ATXN2: variants seen among roughly 807,000 people sequenced by gnomAD.
ATXN2 encodes the protein ataxin 2, also known as ataxin-2.
A neutral mutation model predicts 138.6 loss-of-function variants in ATXN2; 37 were observed. The observed-to-expected ratio is 0.27, with a 90% CI of 0.21 to 0.35. The LOEUF is 0.35. Ranked by LOEUF, ATXN2 falls within the 10% of genes least tolerant of loss-of-function variation. The probability of loss-of-function intolerance (pLI) is 1.00; values close to 1 mark genes in which losing one functional copy is unlikely to be tolerated. For synonymous variants in ATXN2, 549 were observed against 543.7 expected (o/e 1.01, Z -0.13); for missense variants, 1,216 against 1,480.3 (o/e 0.82, Z 2.93).
chr12:111,566,992 G>A (rs117700897), intron 1 of ATXN2, among the ~76,000 whole-genome samples: 4,276 of 152,242 alleles, frequency 0.028, 109 homozygotes, highest in Non-Finnish European at 0.048. Context: ...GACTTCAGTA[G>A]AGCAAGTAAC....
At chr12:111,536,379 A>G (rs1297707326) in intron 5 of ATXN2, among the ~76,000 whole-genome samples, 1 of 152,228 alleles carries the variant, frequency 6.6e-6, no homozygotes, top group Non-Finnish European at 1.5e-5. Context: ...ACAGAAAAAA[A>G]AAATCTACAG....
rs1312706667 is a variant in ATXN2 at position 111,510,553 on chromosome 12, G to T, written c.1588C>A (p.Pro530Thr). 3 of 1,613,468 alleles carry T rather than the reference G, an allele frequency of 1.9e-6. No homozygotes were observed. The highest frequency in any genetic ancestry group is 2.5e-6 in the Non-Finnish European group (3 of 1,179,624). Residue 530 changes from proline (P) to threonine (T), a missense_variant, in exon 12 of 25, where the codon CCC becomes ACC. By Grantham distance (38) the Pro-to-Thr change is conservative. Coordinates refer to ENST00000673436, the MANE Select transcript of ATXN2 (RefSeq NM_001372574.1). ...VPRLSPKTHR[P>T]RSPRQNSIGN... ...ATACTGTTCTGTCTGGGAGACCTGG[G>T]TCTATGAGTTTTAGGGGATAATCTT...
chr12:111,563,882 C>G (rs916979890), intron 1 of ATXN2, among the ~76,000 whole-genome samples: 1 of 152,076 alleles, frequency 6.6e-6, no homozygotes, highest in Non-Finnish European at 1.5e-5. Context: ...ATCAAATATA[C>G]GATGCTGTTT....
chr12:111,577,685 C>CT (rs1207439689), intron 1 of ATXN2, among the ~76,000 whole-genome samples: 1 of 152,036 alleles, frequency 6.6e-6, no homozygotes, highest in African/African-American at 2.4e-5. Context: ...AATCCCAGCA[C>CT]TTTGGGAGGT....
rs1879446576 is a variant in ATXN2, at chr12:111,510,538, G to T, written c.1603C>A (p.Gln535Lys). ...CTGGGGGTATTTCCAATACTGTTCT[G>T]TCTGGGAGACCTGGGTCTATGAGTT... ...PKTHRPRSPR[Q>K]NSIGNTPSGP... Residue 535 changes from glutamine (Q) to lysine (K), a missense_variant, in exon 12 of 25, where the codon CAG becomes AAG. Physicochemically the swap from Gln to Lys is moderately conservative, Grantham distance 53. Transcript: ENST00000673436. 1 of 1,613,862 alleles carries T rather than the reference G, an allele frequency of 6.2e-7. No homozygotes were observed. The highest frequency in any genetic ancestry group is 1.3e-5 in the African/African-American group (1 of 74,906).
chr12:111,455,927 A>G, intron 23 of ATXN2, 102 bp downstream of exon 23: 2 of 1,123,328 alleles, frequency 1.8e-6, no homozygotes. Flanking sequence ...GGCAAATGGC[A>G]TGACACACAG....
At position 111,525,249 on chromosome 12, in the gene ATXN2, G is replaced by C. The variant is rs773662523; in HGVS notation, c.639C>G (p.Pro213=). The change falls in exon 6 of 25, where the codon CCC becomes CCG. Residue 213 remains proline (P), a synonymous_variant. Transcript: ENST00000673436. ...TGGCTGTGAGTTCACCTGCATCCCA[G>C]GGCTCCAGGTCCTTCTCTTTGTGTT... The part of the protein sequence containing the change: ...NGEHKEKDLE[P]WDAGELTANE... 6.2e-7 allele frequency: 1 copy of C among 1,613,612 alleles called. No homozygotes were observed. Among genetic ancestry groups the C allele is most frequent in the East Asian group, 2.2e-5 (1 of 44,852 alleles).
chr12:111,592,551 G>A (rs1363122654), intron 1 of ATXN2, among the ~76,000 whole-genome samples: 1 of 151,946 alleles, frequency 6.6e-6, no homozygotes, highest in Non-Finnish European at 1.5e-5. Flanking sequence ...GGGAGGCTGA[G>A]GCAGGTGGAT....
chr12:111,594,547 T>G (rs913794371), intron 1 of ATXN2, among the ~76,000 whole-genome samples: 2 of 152,096 alleles, frequency 1.3e-5, no homozygotes, highest in African/African-American at 4.8e-5. Flanking sequence ...GTAAAAATAC[T>G]AAGCTGAAAA....
chr12:111,490,962 G>C (rs773697718), intron 14 of ATXN2, among the ~76,000 whole-genome samples: 5 of 152,086 alleles, frequency 3.3e-5, no homozygotes, highest in Non-Finnish European at 7.3e-5. Context: ...CCAGTGATTA[G>C]AATCTGAATT....
At chr12:111,561,516 A>G (rs1236967402) in intron 1 of ATXN2, among the ~76,000 whole-genome samples, 1 of 152,020 alleles carries the variant, frequency 6.6e-6, no homozygotes, top group Non-Finnish European at 1.5e-5. Context: ...AAAAAAAATC[A>G]TAAAATTAAA....
At chr12:111,471,397 T>C (rs1405571987) in intron 18 of ATXN2, 1 of 152,294 alleles carries the variant, frequency 6.6e-6, no homozygotes, top group African/African-American at 2.4e-5. Flanking sequence ...CCATGTGAGG[T>C]TTTTTTCCAG....
chr12:111,454,914 C>A (rs1378732122), intron 23 of ATXN2: 4 of 639,114 alleles, frequency 6.3e-6, no homozygotes, highest in Non-Finnish European at 1.2e-5. Flanking sequence ...ACCACGCTGG[C>A]CCACACGGAC....
intron 21 of ATXN2, chr12:111,457,698 C>T (rs367994098): frequency 1.2e-4 from 24 of 205,830 alleles, no homozygotes; most frequent in Middle Eastern, 2.1e-3. Flanking sequence ...TAGGTGCACA[C>T]TCTTTAGCTC....
chr12:111,585,300 G>A (rs1250539714), intron 1 of ATXN2, among the ~76,000 whole-genome samples: 2 of 152,138 alleles, frequency 1.3e-5, no homozygotes, highest in East Asian at 1.9e-4. Flanking sequence ...ATCATCTGAG[G>A]TCAGGAGTTC....
intron 10 of ATXN2, 108 bp from the exon 11 acceptor site, chr12:111,513,647 T>A: frequency 2.2e-6 from 2 of 894,660 alleles, no homozygotes; most frequent in Non-Finnish European, 3.0e-6. Flanking sequence ...TCACTCACTC[T>A]ACAGTTTTTC....
chr12:111,455,714 G>C, intron 23 of ATXN2: 1 of 444,570 alleles, frequency 2.2e-6, no homozygotes, highest in South Asian at 2.1e-5. Context: ...CATATATATA[G>C]TAGTGAGGCT....
intron 14 of ATXN2, among the ~76,000 whole-genome samples, chr12:111,499,032 T>C (rs1297747746): frequency 6.6e-6 from 1 of 152,024 alleles, no homozygotes; most frequent in Non-Finnish European, 1.5e-5. Context: ...TGTCCCACCA[T>C]ATTAAAAAAA....
chr12:111,474,958 A>G (rs1876687311), intron 18 of ATXN2, among the ~76,000 whole-genome samples: 1 of 152,144 alleles, frequency 6.6e-6, no homozygotes, highest in Admixed American at 6.5e-5. Flanking sequence ...TCACACCTGT[A>G]ATCCCAGCAC....
Sources: allele counts gnomAD v4.1 joint callset (sites outside exome capture counted in the v4.1 genomes callset), GRCh38; gene constraint gnomAD v4.1.1; transcripts MANE v1.5; gene names NCBI Gene and HGNC (gene_info 2026-07-23, HGNC 2026-07-21).